The following ADSL variants were observed in gnomAD, a reference collection of about 807,000 sequenced individuals.
The protein encoded by ADSL is adenylosuccinate lyase.
Under a neutral mutation model 62.1 loss-of-function variants are expected in ADSL, and 44 were observed. The ratio of observed to expected loss-of-function variants is 0.71; its 90% CI spans 0.56 to 0.91. The LOEUF is 0.91. Ranked by LOEUF, ADSL falls within the 40% of genes least tolerant of loss-of-function variation. The pLI is 0.00. For missense variants in ADSL, 531 were observed against 627.4 expected (o/e 0.85, Z 1.64); for synonymous variants, 198 against 220.5 (o/e 0.90, Z 0.90).
downstream of ADSL, chr22:40,369,440 A>G (rs910191646): frequency 2.7e-5 from 4 of 147,900 alleles, no homozygotes; most frequent in East Asian, 1.9e-4. Context: ...TAAAATATAC[A>G]TTCATATATA....
At chr22:40,361,176 C>G in intron 7 of ADSL, 97 bp from the exon 8 acceptor site, 6 of 1,178,542 alleles carry the variant, frequency 5.1e-6, no homozygotes, top group Admixed American at 1.7e-5. Flanking sequence ...CCACAGCACA[C>G]CTAAGAGCTC....
intron 1 of ADSL, 73 bp downstream of exon 1, chr22:40,346,784 G>T (rs2044158426): frequency 6.7e-7 from 1 of 1,497,242 alleles, no homozygotes; most frequent in Non-Finnish European, 9.0e-7. Flanking sequence ...GCTCTGTTCC[G>T]GGCTGGGCTT....
intron 4 of ADSL, among the ~76,000 whole-genome samples, chr22:40,356,469 A>C (rs1427720446): frequency 6.7e-6 from 1 of 150,032 alleles, no homozygotes; most frequent in African/African-American, 2.5e-5. Context: ...CCGGAGGCAG[A>C]GGTTGCAGTG....
intron 2 of ADSL, among the ~76,000 whole-genome samples, chr22:40,383,834 A>C (rs1212763093): frequency 6.6e-6 from 1 of 152,222 alleles, no homozygotes; most frequent in Non-Finnish European, 1.5e-5. Flanking sequence ...AGATTTTGAC[A>C]GTGGCCCAGA....
At chr22:40,353,336 C>G in intron 3 of ADSL, 3 of 703,570 alleles carry the variant, frequency 4.3e-6, no homozygotes, top group Non-Finnish European at 7.8e-6. Context: ...GAGCCAGAGT[C>G]TCATTCTGTC....
At chr22:40,384,044 T>C (rs2048025852) in intron 2 of ADSL, among the ~76,000 whole-genome samples, 1 of 151,688 alleles carries the variant, frequency 6.6e-6, no homozygotes, top group Admixed American at 6.6e-5. Flanking sequence ...AGTGCAGGAG[T>C]TCAAGACCTT....
intron 4 of ADSL, among the ~76,000 whole-genome samples, chr22:40,357,379 G>A (rs9611323): frequency 0.034 from 5,144 of 149,210 alleles, 132 homozygotes; most frequent in Middle Eastern, 0.065. Context: ...TCAGCTTCCC[G>A]AGTAGCTAGG....
chr22:40,382,227 A>C (rs17001868), intron 2 of ADSL, among the ~76,000 whole-genome samples: 19,191 of 152,176 alleles, frequency 0.13, 2,018 homozygotes, highest in Admixed American at 0.33. Context: ...AACAGCTACA[A>C]CATAGCACCA....
intron 2 of ADSL, among the ~76,000 whole-genome samples, chr22:40,385,351 G>A (rs2146839067): frequency 6.6e-6 from 1 of 152,322 alleles, no homozygotes; most frequent in South Asian, 2.1e-4. Context: ...TACAGGGATA[G>A]TTGCTTTGTT....
intron 7 of ADSL, among the ~76,000 whole-genome samples, chr22:40,360,921 G>C (rs1291083850): frequency 6.6e-6 from 1 of 151,908 alleles, no homozygotes; most frequent in Non-Finnish European, 1.5e-5. Flanking sequence ...GGCTGGTCTC[G>C]AACTCCTGAC....
At position 40,364,347 on chromosome 22, in the gene ADSL, A is replaced by C. The variant is rs1488128534; in HGVS notation, c.1173A>C (p.Lys391Asn). Residue 391 changes from lysine (K) to asparagine (N), a missense_variant, in exon 11 of 13, where the codon AAA becomes AAC. Lys to Asn is a moderately conservative substitution (Grantham distance 94, BLOSUM62 0). Transcript: ENST00000623063. Reference sequence around the variant, plus strand: ...AGAACATCATCATGGCCATGGTCAAAGCTGGAGGTAGCCGCCAGGTTTGTA... The same window carrying C: ...AGAACATCATCATGGCCATGGTCAACGCTGGAGGTAGCCGCCAGGTTTGTA... ...ATENIIMAMVKAGGSRQDCHE... is the reference protein window; with the variant it reads ...ATENIIMAMVNAGGSRQDCHE... 6.2e-7 allele frequency: 1 copy of C among 1,613,946 alleles called. No homozygotes were observed. The highest frequency in any genetic ancestry group is 8.5e-7 in the Non-Finnish European group (1 of 1,179,974).
chr22:40,350,944 G>C (rs1334857398), intron 2 of ADSL, among the ~76,000 whole-genome samples: 1 of 151,874 alleles, frequency 6.6e-6, no homozygotes. Flanking sequence ...AAGGACTTGT[G>C]AAATCCTTTG....
chr22:40,375,083 CTT>C (rs1281638378), intron 2 of ADSL, among the ~76,000 whole-genome samples: 2 of 152,228 alleles, frequency 1.3e-5, no homozygotes, highest in Non-Finnish European at 2.9e-5. Context: ...ACATTCACCT[CTT>C]TTCAGTAGGC....
At chr22:40,361,416 A>G in intron 8 of ADSL, 72 bp from the exon 9 acceptor site, 2 of 1,612,984 alleles carry the variant, frequency 1.2e-6, no homozygotes, top group African/African-American at 2.7e-5. Flanking sequence ...GAGCTCATTC[A>G]GCATGCTTGC....
intron 5 of ADSL, 100 bp from the exon 6 acceptor site, chr22:40,359,159 GT>G: frequency 6.3e-7 from 1 of 1,582,874 alleles, no homozygotes. Context: ...CTAGAAGGAA[GT>G]TGTGGGGGTT....
At position 40,369,173 on chromosome 22, in the gene ADSL, G is replaced by A. The variant is rs978917058; in HGVS notation, c.*2651G>A. 3.6e-4 allele frequency: 54 copies of A among 152,112 alleles called. No individual in the cohort carries two copies. Among genetic ancestry groups the A allele is most frequent in the African/African-American group, 1.2e-3 (50 of 41,416 alleles). 9.4% of individuals were successfully genotyped at this position (152,112 alleles called of 1,614,324 possible). ...ATAAGGAAATAACAGTCTTGTTCCT[G>A]TCCTAACAATTCTGTTAGACTAATG... On this transcript the variant is annotated 3_prime_UTR_variant, in exon 13 of 13. Coordinates refer to ENST00000623063, the MANE Select transcript of ADSL (RefSeq NM_000026.4).
downstream of ADSL, among the ~76,000 whole-genome samples, chr22:40,370,122 C>T (rs1601609744): frequency 6.6e-6 from 1 of 151,958 alleles, no homozygotes; most frequent in South Asian, 2.1e-4. Context: ...GGCAGATCAT[C>T]TGAGGTCAGG....
chr22:40,363,244 C>T (rs1432228813), intron 10 of ADSL, among the ~76,000 whole-genome samples, 173 bp downstream of exon 10: 1 of 152,242 alleles, frequency 6.6e-6, no homozygotes, highest in East Asian at 1.9e-4. Context: ...AATTCATAGA[C>T]ACATTATAGA....
At chr22:40,353,669 A>C (rs1389096396) in intron 3 of ADSL, among the ~76,000 whole-genome samples, 1 of 121,986 alleles carries the variant, frequency 8.2e-6, no homozygotes, top group Non-Finnish European at 1.6e-5. Context: ...TCAGTTACCC[A>C]GGCTGGAGTG....
Sources: allele counts gnomAD v4.1 joint callset (sites outside exome capture counted in the v4.1 genomes callset), GRCh38; gene constraint gnomAD v4.1.1; transcripts MANE v1.5; gene names NCBI Gene and HGNC (gene_info 2026-07-23, HGNC 2026-07-21).